The following TYW1B variants were observed in gnomAD, a reference collection of about 807,000 sequenced individuals.
TYW1B encodes the protein tRNA-yW synthesizing protein 1 homolog B, also known as S-adenosyl-L-methionine-dependent tRNA 4-demethylwyosine synthase TYW1B.
A neutral mutation model predicts 86.9 loss-of-function variants in TYW1B; 73 were observed. The observed-to-expected ratio is 0.84, with a 90% CI of 0.70 to 1.02. TYW1B has a LOEUF of 1.02. Ranked by LOEUF, TYW1B falls within the 50% of genes least tolerant of loss-of-function variation. TYW1B has a pLI of 0.00. For synonymous variants in TYW1B, 248 were observed against 292.8 expected, an observed-to-expected ratio of 0.85 and a Z score of 1.56; for missense variants, 637 against 827.4, an observed-to-expected ratio of 0.77 and a Z score of 2.82.
At chr7:72,589,164 A>G (rs1467566386) in intron 13 of TYW1B, among the ~76,000 whole-genome samples, 1 of 152,208 alleles carries the variant, frequency 6.6e-6, no homozygotes, top group East Asian at 1.9e-4. Context: ...ATGAGAAAAA[A>G]TAGTATCTAT....
intron 11 of TYW1B, among the ~76,000 whole-genome samples, chr7:72,654,086 G>GAAAAAAAAAAAAAAAA (rs56251020): frequency 1.7e-5 from 2 of 118,600 alleles, no homozygotes; most frequent in Non-Finnish European, 1.7e-5. Context: ...TCACAAAAAA[G>GAAAAAAAAAAAAAAAA]AAAAAAAAAA....
intron 7 of TYW1B, among the ~76,000 whole-genome samples, chr7:72,764,943 T>A (rs1348102483): frequency 6.6e-6 from 1 of 152,216 alleles, no homozygotes; most frequent in Non-Finnish European, 1.5e-5. Context: ...ACCATTTGCT[T>A]TTCCTTCCTA....
chr7:72,719,307 T>G (rs1786848696), intron 9 of TYW1B, among the ~76,000 whole-genome samples: 1 of 151,896 alleles, frequency 6.6e-6, no homozygotes, highest in Non-Finnish European at 1.5e-5. Context: ...GCCACCACAC[T>G]TGGCTAATTT....
intron 2 of TYW1B, among the ~76,000 whole-genome samples, chr7:72,818,628 C>A (rs1788771060): frequency 7.0e-6 from 1 of 141,932 alleles, no homozygotes. Flanking sequence ...TGAGACTGGG[C>A]AATTTATTAA....
At chr7:72,595,480 T>G (rs1278236478) in intron 13 of TYW1B, among the ~76,000 whole-genome samples, 1 of 152,132 alleles carries the variant, frequency 6.6e-6, no homozygotes, top group Non-Finnish European at 1.5e-5. Context: ...GCTCAGGAGT[T>G]TGAGGCAAGT....
chr7:72,607,519 T>C (rs1362301031), intron 13 of TYW1B, among the ~76,000 whole-genome samples: 4 of 146,912 alleles, frequency 2.7e-5, no homozygotes, highest in Non-Finnish European at 6.0e-5. Context: ...GAAGGAGAAA[T>C]AGTTAAATAG....
intron 2 of TYW1B, among the ~76,000 whole-genome samples, chr7:72,817,793 G>C (rs143494315): frequency 0.024 from 3,719 of 152,130 alleles, 77 homozygotes; most frequent in Middle Eastern, 0.051. Flanking sequence ...AGAAGAATTT[G>C]GTAACACCCC....
At chr7:72,627,827 C>T (rs1812385222) in intron 12 of TYW1B, among the ~76,000 whole-genome samples, 1 of 152,108 alleles carries the variant, frequency 6.6e-6, no homozygotes. Context: ...CAGAAACATG[C>T]AATCAACAAA....
intron 3 of TYW1B, among the ~76,000 whole-genome samples, chr7:72,811,837 A>G (rs548807639): frequency 6.6e-6 from 1 of 150,902 alleles, no homozygotes; most frequent in Non-Finnish European, 1.5e-5. Flanking sequence ...GCTTTAGCCC[A>G]GGAGGCAGAG....
chr7:72,717,238 T>C (rs1331957486), intron 9 of TYW1B, among the ~76,000 whole-genome samples: 16 of 151,224 alleles, frequency 1.1e-4, no homozygotes, highest in Non-Finnish European at 1.3e-4. Context: ...GAGGTGGAGG[T>C]TGCAGTGAGC....
chr7:72,630,260 A>G (rs1585861128), intron 11 of TYW1B, among the ~76,000 whole-genome samples: 1 of 152,252 alleles, frequency 6.6e-6, no homozygotes, highest in Non-Finnish European at 1.5e-5. Context: ...ACAGAGCAAG[A>G]CTGTCTCAAA....
rs536386831 is a variant in TYW1B, at chr7:72,779,682, A to C, written c.847-2149T>G. Among the ~76,000 whole-genome samples, 5 of 132,874 alleles carry C rather than the reference A, an allele frequency of 3.8e-5. No individual in the cohort carries two copies. The East Asian group carries it at 1.1e-3, about 29-fold the overall frequency. 87.2% of individuals were successfully genotyped at this position (132,874 alleles called of 152,430 possible). On this transcript the variant is annotated intron_variant, in intron 6 of 13. Coordinates refer to ENST00000620995, the MANE Select transcript of TYW1B (RefSeq NM_001145440.3). Reference sequence around the variant, plus strand: ...CGGTGAGCCAAGACTGTGCCACTGCACTCCAGCCTGGGCGACAGAGACTCT... The same window carrying C: ...CGGTGAGCCAAGACTGTGCCACTGCCCTCCAGCCTGGGCGACAGAGACTCT...
chr7:72,815,068 C>CAAAAA (rs576240918), intron 3 of TYW1B, among the ~76,000 whole-genome samples: 13 of 73,060 alleles, frequency 1.8e-4, no homozygotes, highest in East Asian at 6.9e-4. Context: ...GACTCCATCT[C>CAAAAA]AAAAAAAAAA....
At chr7:72,648,745 A>T (rs1352441264) in intron 11 of TYW1B, among the ~76,000 whole-genome samples, 1 of 152,018 alleles carries the variant, frequency 6.6e-6, no homozygotes, top group Non-Finnish European at 1.5e-5. Flanking sequence ...CTTGACATCC[A>T]CCCGGCAACT....
At chr7:72,593,646 C>A (rs78280992) in intron 13 of TYW1B, among the ~76,000 whole-genome samples, 23,306 of 151,512 alleles carry the variant, frequency 0.15, 2,450 homozygotes, top group East Asian at 0.56. Flanking sequence ...CACAGTGAAA[C>A]CCCGTCTTTA....
chr7:72,577,096 T>C (rs1811041120), intron 13 of TYW1B, among the ~76,000 whole-genome samples: 1 of 151,680 alleles, frequency 6.6e-6, no homozygotes, highest in Non-Finnish European at 1.5e-5. Flanking sequence ...CACTGCACTC[T>C]AGCCTCAGTG....
At chr7:72,671,313 C>T (rs1813595676) in intron 11 of TYW1B, among the ~76,000 whole-genome samples, 1 of 152,148 alleles carries the variant, frequency 6.6e-6, no homozygotes, top group African/African-American at 2.4e-5. Context: ...TCTCCCTCCA[C>T]CCCCAGACAC....
intron 3 of TYW1B, among the ~76,000 whole-genome samples, chr7:72,814,462 T>C (rs1478184551): frequency 6.6e-6 from 1 of 151,964 alleles, no homozygotes; most frequent in Admixed American, 6.6e-5. Context: ...CGTGTGCCTG[T>C]AGTCCCAGCT....
intron 11 of TYW1B, among the ~76,000 whole-genome samples, chr7:72,646,360 C>T (rs1310684061): frequency 1.3e-5 from 2 of 151,838 alleles, no homozygotes; most frequent in Non-Finnish European, 2.9e-5. Flanking sequence ...CTGTGCCTGG[C>T]CTAAAAAGTC....
Sources: allele counts gnomAD v4.1 joint callset (sites outside exome capture counted in the v4.1 genomes callset), GRCh38; gene constraint gnomAD v4.1.1; transcripts MANE v1.5; gene names NCBI Gene and HGNC (gene_info 2026-07-23, HGNC 2026-07-21).